The following FKTN variants were observed in gnomAD, a reference collection of about 807,000 sequenced individuals.
FKTN encodes fukutin.
FKTN carries 47 observed loss-of-function variants against 58.6 expected under a neutral mutation model. The ratio of observed to expected loss-of-function variants is 0.80; its 90% CI spans 0.63 to 1.02. FKTN has a LOEUF of 1.02. FKTN is among the 50% of genes least tolerant of loss of function. The pLI is 0.00. For synonymous variants in FKTN, 178 were observed against 191.9 expected (o/e 0.93, Z 0.60); for missense variants, 516 against 537.3 (o/e 0.96, Z 0.39).
At chr9:105,565,759 G>A (rs922491530) in intron 1 of FKTN, among the ~76,000 whole-genome samples, 1 of 152,086 alleles carries the variant, frequency 6.6e-6, no homozygotes, top group Admixed American at 6.6e-5. Flanking sequence ...AAGTTAACAA[G>A]GATATCCAGG....
chr9:105,631,255 C>T (rs186699954), intron 10 of FKTN, among the ~76,000 whole-genome samples: 57 of 152,142 alleles, frequency 3.7e-4, no homozygotes, highest in African/African-American at 1.3e-3. Context: ...ATCAGAAAAA[C>T]GTTAGGAATG....
At chr9:105,600,931 A>G (rs1827763942) in intron 4 of FKTN, 1 of 476,674 alleles carries the variant, frequency 2.1e-6, no homozygotes, top group Non-Finnish European at 3.8e-6. Flanking sequence ...ATTTCACCTT[A>G]TATTGAAAAT....
intron 2 of FKTN, among the ~76,000 whole-genome samples, chr9:105,574,495 A>T (rs1005851731): frequency 6.6e-6 from 1 of 151,884 alleles, no homozygotes; most frequent in African/African-American, 2.4e-5. Flanking sequence ...CCTAGATCAC[A>T]CACAAACTTG....
At chr9:105,558,451 C>T (rs1420826504) in intron 1 of FKTN, among the ~76,000 whole-genome samples, 1 of 152,044 alleles carries the variant, frequency 6.6e-6, no homozygotes, top group Non-Finnish European at 1.5e-5. Flanking sequence ...GGTTGGAGGA[C>T]GATCGAGACT....
Position 105,638,295 on chromosome 9 carries a change from A to G in FKTN, c.*3031A>G. 1.0e-6 allele frequency: 1 copy of G among 985,436 alleles called. No individual in the cohort carries two copies. The highest frequency in any genetic ancestry group is 1.2e-6 in the Non-Finnish European group (1 of 829,936). 61.0% of individuals were successfully genotyped at this position (985,436 alleles called of 1,614,324 possible). The stretch of plus-strand genomic sequence containing the variant: ...TCTCAGGGTGTTTCTGCCGCTTAGT[A>G]TCTTTTTGTTCAGATTGAGAACCTA... On this transcript the variant is annotated 3_prime_UTR_variant, in exon 11 of 11. Transcript: ENST00000357998.
chr9:105,606,931 A>T (rs1175493470), intron 6 of FKTN, among the ~76,000 whole-genome samples: 1 of 151,800 alleles, frequency 6.6e-6, no homozygotes, highest in Non-Finnish European at 1.5e-5. Flanking sequence ...TCTTATTTTA[A>T]TCAAAAATCT....
rs1195216452 is a variant in FKTN at position 105,636,198 on chromosome 9, A to G, written c.*934A>G. ...GTGCACTCCCAATTTTAATGACACT[A>G]AAATATTAATAGAATTTTTTAAATA... On this transcript the variant is annotated 3_prime_UTR_variant, in exon 11 of 11. Coordinates refer to ENST00000357998, the MANE Select transcript of FKTN (RefSeq NM_001079802.2). 5 of 877,676 alleles carry G rather than the reference A, an allele frequency of 5.7e-6. No homozygotes were observed. Among genetic ancestry groups the G allele is most frequent in the Non-Finnish European group, 6.8e-6 (5 of 731,886 alleles). The allele number at this position is 877,676 out of a possible 1,614,324, so 54.4% of individuals were successfully genotyped here.
At position 105,566,237 on chromosome 9, in the gene FKTN, G is replaced by C. The variant is rs933712150; in HGVS notation, c.-180-7418G>C. On this transcript the variant is annotated intron_variant, in intron 1 of 10. Coordinates refer to ENST00000357998, the MANE Select transcript of FKTN (RefSeq NM_001079802.2). The stretch of plus-strand genomic sequence containing the variant: ...TGACACCCTAACATCACAATTAAAA[G>C]AACTAGAGAAGCAAGAGCAAACACA... Among the ~76,000 whole-genome samples, 82 of 152,236 alleles carry C rather than the reference G, an allele frequency of 5.4e-4. No homozygotes were observed. The Middle Eastern group carries it at 0.014, about 25-fold the overall frequency.
intron 10 of FKTN, among the ~76,000 whole-genome samples, chr9:105,631,235 T>C (rs1357056408): frequency 6.6e-6 from 1 of 152,190 alleles, no homozygotes; most frequent in African/African-American, 2.4e-5. Flanking sequence ...TTAGAAGCCC[T>C]TCCATTAAAA....
intron 3 of FKTN, among the ~76,000 whole-genome samples, chr9:105,588,185 T>C (rs1367147943): frequency 6.6e-6 from 1 of 152,246 alleles, no homozygotes; most frequent in Non-Finnish European, 1.5e-5. Context: ...CCTCCTACTT[T>C]CTGGATGCTT....
intron 3 of FKTN, among the ~76,000 whole-genome samples, chr9:105,575,677 TA>T (rs917038197): frequency 6.6e-6 from 1 of 152,192 alleles, no homozygotes; most frequent in African/African-American, 2.4e-5. Flanking sequence ...TGTATTATAA[TA>T]ATTACTACCA....
At chr9:105,571,890 G>T (rs1840791522) in intron 1 of FKTN, among the ~76,000 whole-genome samples, 1 of 152,164 alleles carries the variant, frequency 6.6e-6, no homozygotes, top group African/African-American at 2.4e-5. Context: ...ATGCTGAAAG[G>T]AATGTTCATT....
At chr9:105,566,443 C>T (rs887965542) in intron 1 of FKTN, among the ~76,000 whole-genome samples, 18 of 151,978 alleles carry the variant, frequency 1.2e-4, no homozygotes, top group East Asian at 7.7e-4. Context: ...ATGAAATAGA[C>T]GCAATAAAAA....
intron 1 of FKTN, among the ~76,000 whole-genome samples, chr9:105,562,708 G>C (rs567262204): frequency 1.6e-4 from 25 of 152,272 alleles, no homozygotes; most frequent in African/African-American, 5.3e-4. Context: ...AAGTTAGCTT[G>C]GCCTGCACCC....
At position 105,579,799 on chromosome 9, in the gene FKTN, C is replaced by G. The variant is rs922662313; in HGVS notation, c.105+4662C>G. Among the ~76,000 whole-genome samples, 814 of 150,536 alleles carry G rather than the reference C, an allele frequency of 5.4e-3. 10 individuals are homozygous for G. Among genetic ancestry groups the G allele is most frequent in the African/African-American group, 0.019 (789 of 40,820 alleles). On this transcript the variant is annotated intron_variant, in intron 3 of 10. Coordinates refer to ENST00000357998, the MANE Select transcript of FKTN (RefSeq NM_001079802.2). ...TCTCCCATTATTAATGTGTGGGAGT[C>G]TAAGTCTCTTTGTAGGTCACACAGG... is the stretch of plus-strand genomic sequence containing the variant.
chr9:105,612,785 C>T (rs1456903550), intron 7 of FKTN, among the ~76,000 whole-genome samples: 1 of 151,840 alleles, frequency 6.6e-6, no homozygotes, highest in Admixed American at 6.6e-5. Flanking sequence ...GGCAACATGG[C>T]GAAACCCCGG....
intron 3 of FKTN, among the ~76,000 whole-genome samples, chr9:105,577,697 TC>T (rs1308326546): frequency 4.0e-5 from 6 of 151,334 alleles, no homozygotes; most frequent in African/African-American, 1.5e-4. Context: ...TTTTTCGAAT[TC>T]TGTGAAGAAA....
At chr9:105,590,883 G>T (rs573788189) in intron 3 of FKTN, among the ~76,000 whole-genome samples, 1 of 141,478 alleles carries the variant, frequency 7.1e-6, no homozygotes, top group Non-Finnish European at 1.6e-5. Context: ...CTTCTGGGGA[G>T]GCCTCAGGAA....
Position 105,575,013 on chromosome 9 carries a change from C to T in FKTN, c.-20C>T, listed in dbSNP as rs761317265. The T allele has an allele frequency of 1.5e-5, 20 of 1,325,600 alleles. No homozygotes were observed. The highest frequency in any genetic ancestry group is 2.2e-5 in the Non-Finnish European group (20 of 917,350). 82.1% of individuals were successfully genotyped at this position (1,325,600 alleles called of 1,614,324 possible). A position where few individuals can be genotyped will look rare whatever the true frequency, so the allele number is the denominator to read the frequency against. ...GACTGAGATACTTTCAAAAGACAAC[C>T]AAGTGAGCAGCACAGACTAATGAGT... On this transcript the variant is annotated 5_prime_UTR_variant, in exon 3 of 11. It introduces an in-frame stop codon into an upstream open reading frame of the 5' UTR. Transcript: ENST00000357998.
Sources: allele counts gnomAD v4.1 joint callset (sites outside exome capture counted in the v4.1 genomes callset), GRCh38; gene constraint gnomAD v4.1.1; transcripts MANE v1.5; gene names NCBI Gene and HGNC (gene_info 2026-07-23, HGNC 2026-07-21).